The following DNAJC21 variants were observed in gnomAD, a reference collection of about 807,000 sequenced individuals.
DNAJC21 encodes dnaJ homolog subfamily C member 21.
DNAJC21 carries 63 observed loss-of-function variants against 72.4 expected under a neutral mutation model. The observed-to-expected ratio is 0.87, with a 90% CI of 0.71 to 1.07. The LOEUF (loss-of-function observed/expected upper bound fraction) is 1.07, where lower values mean the gene tolerates loss of function less well. DNAJC21 is among the 50% of genes least tolerant of loss of function. DNAJC21 has a pLI of 0.00. For synonymous variants in DNAJC21, 203 were observed against 216.7 expected, an observed-to-expected ratio of 0.94 and a Z score of 0.56; for missense variants, 634 against 644.8, an observed-to-expected ratio of 0.98 and a Z score of 0.18.
Position 34,938,862 on chromosome 5 carries a change from G to A in DNAJC21, c.748G>A (p.Val250Met). The change falls in exon 6 of 12, where the codon GTG becomes ATG. Residue 250 changes from valine to methionine, a missense_variant. Transcript: ENST00000648817. ...GACTGTGCTGTATGTGTCTAGACTGGTGGAGCAGTACAGAGAACAGAGCTG... is the reference window on the plus strand; with the variant it reads ...GACTGTGCTGTATGTGTCTAGACTGATGGAGCAGTACAGAGAACAGAGCTG... ...RQQKLKQAKL[V>M]EQYREQSWMT... is the part of the protein sequence containing the mutation. 6.2e-7 allele frequency: 1 copy of A among 1,611,048 alleles called. No homozygotes were observed. Among genetic ancestry groups the A allele is most frequent in the Non-Finnish European group, 8.5e-7 (1 of 1,179,038 alleles).
intron 7 of DNAJC21, among the ~76,000 whole-genome samples, chr5:34,941,568 T>C (rs1424987740): frequency 2.9e-5 from 4 of 139,632 alleles, no homozygotes; most frequent in African/African-American, 1.1e-4. Context: ...TTCTTTTTTT[T>C]TTTTTTTTTT....
At chr5:34,935,581 A>C in intron 2 of DNAJC21, 129 bp from the exon 3 acceptor site, 1 of 1,045,550 alleles carries the variant, frequency 9.6e-7, no homozygotes, top group Non-Finnish European at 1.4e-6. Flanking sequence ...TTTCATTAAA[A>C]ATTTTTGGTT....
intron 5 of DNAJC21, among the ~76,000 whole-genome samples, chr5:34,938,086 C>T (rs1764855429): frequency 6.6e-6 from 1 of 152,226 alleles, no homozygotes. Flanking sequence ...GTATGAGCCA[C>T]AGTGCCTGGC....
At chr5:34,948,490 G>A (rs1765245085) in intron 9 of DNAJC21, among the ~76,000 whole-genome samples, 1 of 152,208 alleles carries the variant, frequency 6.6e-6, no homozygotes. Flanking sequence ...GAAAACTTGA[G>A]TCATCAAAAG....
In DNAJC21 at chr5:34,941,160, C is replaced by G; in HGVS notation, c.960C>G (p.Asp320Glu). The G allele has an allele frequency of 6.2e-7, 1 of 1,614,064 alleles. No individual in the cohort carries two copies. Residue 320 changes from aspartate to glutamate, a missense_variant, in exon 7 of 12, where the codon GAC (aspartate) becomes GAG (glutamate). Physicochemically the swap from Asp to Glu is conservative, Grantham distance 45 (BLOSUM62 2). Coordinates refer to ENST00000648817, the MANE Select transcript of DNAJC21 (RefSeq NM_001012339.3). ...LYDDLYCPAC[D>E]KSFKTEKAMK... ...ATGACCTTTACTGCCCAGCATGTGA[C>G]AAATCGTTCAAGACAGAAAAGGCGT...
At chr5:34,939,279 G>T (rs1286557279) in intron 6 of DNAJC21, among the ~76,000 whole-genome samples, 2 of 147,916 alleles carry the variant, frequency 1.4e-5, no homozygotes, top group Non-Finnish European at 3.0e-5. Flanking sequence ...TTTTTTTTGA[G>T]ACGGAGTCTC....
At chr5:34,953,646 A>G (rs992351355) in intron 10 of DNAJC21, 31 of 311,678 alleles carry the variant, frequency 9.9e-5, no homozygotes, top group Non-Finnish European at 1.6e-4. Context: ...TCTGTATAAA[A>G]CATTCAGAGA....
Position 34,944,812 on chromosome 5 carries a change from T to C in DNAJC21, c.984-55T>C, listed in dbSNP as rs1409967362. 3.1e-6 allele frequency: 5 copies of C among 1,598,774 alleles called. No individual in the cohort carries two copies. In the African/African-American group the frequency reaches 6.8e-5, roughly 22 times the overall value. On this transcript the variant is annotated intron_variant, in intron 7 of 11. Transcript: ENST00000648817. Reference sequence around the variant, plus strand: ...TGGTTGCAGTTATCCAGCAACATTATCTGGACACGTGAACTAATTTTAGCG... The same window carrying C: ...TGGTTGCAGTTATCCAGCAACATTACCTGGACACGTGAACTAATTTTAGCG...
At chr5:34,930,207 C>G in intron 1 of DNAJC21, 2 of 213,552 alleles carry the variant, frequency 9.4e-6, no homozygotes, top group Non-Finnish European at 1.9e-5. Flanking sequence ...GCTCCCGCTA[C>G]CGGGTCGCAG....
chr5:34,933,944 G>A, intron 2 of DNAJC21, 36 bp downstream of exon 2: 1 of 1,584,980 alleles, frequency 6.3e-7, no homozygotes, highest in Non-Finnish European at 8.6e-7. Context: ...CCTAGTTTAT[G>A]ATGTTGGGAG....
intron 2 of DNAJC21, 37 bp from the exon 3 acceptor site, chr5:34,935,673 T>C (rs1764744254): frequency 1.2e-6 from 2 of 1,611,918 alleles, no homozygotes; most frequent in African/African-American, 1.3e-5. Context: ...TTCTTACTTA[T>C]TCAGCCTTCA....
chr5:34,932,472 CTT>C (rs1435086284), intron 1 of DNAJC21, among the ~76,000 whole-genome samples: 169 of 151,246 alleles, frequency 1.1e-3, no homozygotes, highest in African/African-American at 3.8e-3. Context: ...ATTCAAAATG[CTT>C]TACGTTCTGA....
intron 4 of DNAJC21, 138 bp downstream of exon 4, chr5:34,936,404 A>G (rs1764779071): frequency 9.6e-7 from 1 of 1,042,288 alleles, no homozygotes; most frequent in African/African-American, 1.6e-5. Context: ...CAGCAGCCTC[A>G]AACTCCTGGG....
Position 34,954,697 on chromosome 5 carries a change from A to G in DNAJC21, c.1579A>G (p.Lys527Glu), listed in dbSNP as rs1222178704. 3 of 1,605,938 alleles carry G rather than the reference A, an allele frequency of 1.9e-6. No individual in the cohort carries two copies. ...SATSSQSKKE[K>E]RKNR ...AACAAGTAGTCAAAGCAAGAAAGAG[A>G]AACGTAAAAACAGATAGAGATTCTG... Residue 527 changes from lysine to glutamate, a missense_variant, in exon 12 of 12, where the codon AAA (lysine) becomes GAA (glutamate). Coordinates refer to ENST00000648817, the MANE Select transcript of DNAJC21 (RefSeq NM_001012339.3).
At chr5:34,948,344 T>C (rs1157595941) in intron 9 of DNAJC21, among the ~76,000 whole-genome samples, 2 of 152,198 alleles carry the variant, frequency 1.3e-5, no homozygotes, top group South Asian at 2.1e-4. Flanking sequence ...GAGAAATACC[T>C]GATTTCAGGG....
At chr5:34,930,040 G>T in intron 1 of DNAJC21, 124 bp downstream of exon 1, 6 of 664,296 alleles carry the variant, frequency 9.0e-6, no homozygotes, top group Non-Finnish European at 1.3e-5. Context: ...GGAGCTCCTT[G>T]CCCCGCCCGG....
chr5:34,947,656 G>GTTTTT lies in DNAJC21; in HGVS notation c.1185+1866_1185+1870dup, dbSNP rs11404640. On this transcript the variant is annotated intron_variant, in intron 9 of 11. Coordinates refer to ENST00000648817, the MANE Select transcript of DNAJC21 (RefSeq NM_001012339.3). ...AGTGTAGACATGCAGTTTTCACCAT[G>GTTTTT]TTTTTTTTTTTTTTTTTGAAGAGAT... 9.2e-5 allele frequency among the ~76,000 whole-genome samples: 8 copies of GTTTTT among 87,320 alleles called. No homozygotes were observed. In the South Asian group the frequency reaches 2.2e-3, roughly 24 times the overall value. The allele number at this position is 87,320 out of a possible 152,430, so 57.3% of individuals were successfully genotyped here. A position where few individuals can be genotyped will look rare whatever the true frequency, so the allele number is the denominator to read the frequency against.
chr5:34,936,950 C>T (rs903139815), intron 4 of DNAJC21, among the ~76,000 whole-genome samples: 5 of 152,046 alleles, frequency 3.3e-5, no homozygotes, highest in Non-Finnish European at 7.4e-5. Flanking sequence ...AGGATTTCAT[C>T]ATGTTGGCCA....
intron 9 of DNAJC21, chr5:34,949,506 G>A (rs1202286539): frequency 1.3e-6 from 2 of 1,551,530 alleles, no homozygotes; most frequent in Non-Finnish European, 1.7e-6. Context: ...AGATTCTTGA[G>A]TGTGAGTATT....
Sources: allele counts gnomAD v4.1 joint callset (sites outside exome capture counted in the v4.1 genomes callset), GRCh38; gene constraint gnomAD v4.1.1; transcripts MANE v1.5; gene names NCBI Gene and HGNC (gene_info 2026-07-23, HGNC 2026-07-21).